Variants in BORCS5 observed in about 807,000 individuals in gnomAD.
BORCS5 encodes the protein BLOC-1 related complex subunit 5, also known as BLOC-1-related complex subunit 5.
BORCS5 carries 17 observed loss-of-function variants against 22.1 expected under a neutral mutation model. That is an observed-to-expected ratio of 0.77 (90% CI 0.53 to 1.15). BORCS5 has a LOEUF of 1.15. BORCS5 is among the 50% of genes most tolerant of loss of function. The pLI, the probability that BORCS5 is intolerant of heterozygous loss-of-function variation, is 0.00. For missense variants in BORCS5, 247 were observed against 253.2 expected (o/e 0.98, Z 0.17); for synonymous variants, 117 against 99.8 (o/e 1.17, Z -1.03).
chr12:12,465,854 C>A lies in BORCS5; in HGVS notation c.*78C>A. 4.8e-6 allele frequency: 6 copies of A among 1,258,272 alleles called. No homozygotes were observed. The highest frequency in any genetic ancestry group is 6.6e-6 in the Non-Finnish European group (6 of 907,962). 77.9% of individuals were successfully genotyped at this position (1,258,272 alleles called of 1,614,324 possible). ...ACGTGTGGAGCTAAGGTCATATCAT[C>A]TGACCAGGTCTGGAGGCTGGCGGGA... is the stretch of plus-strand genomic sequence containing the variant. On this transcript the variant is annotated 3_prime_UTR_variant, in exon 4 of 4. Transcript: ENST00000314565.
intron 2 of BORCS5, among the ~76,000 whole-genome samples, chr12:12,386,593 C>T (rs984024931): frequency 1.3e-5 from 2 of 150,694 alleles, no homozygotes; most frequent in African/African-American, 4.9e-5. Flanking sequence ...TCTCCTACTC[C>T]TACCTCAGCC....
chr12:12,392,976 G>T (rs1941234835), intron 2 of BORCS5, among the ~76,000 whole-genome samples: 1 of 152,018 alleles, frequency 6.6e-6, no homozygotes, highest in Non-Finnish European at 1.5e-5. Flanking sequence ...TGCCTATAAT[G>T]CAATGCCAGC....
At chr12:12,463,740 A>G (rs1026158582) in intron 3 of BORCS5, among the ~76,000 whole-genome samples, 2 of 152,336 alleles carry the variant, frequency 1.3e-5, no homozygotes, top group East Asian at 1.9e-4. Context: ...ATGTGGAAAC[A>G]TGTAGGGAAG....
intron 2 of BORCS5, among the ~76,000 whole-genome samples, chr12:12,373,857 G>C (rs1164595903): frequency 6.6e-6 from 1 of 152,146 alleles, no homozygotes; most frequent in Non-Finnish European, 1.5e-5. Context: ...AAACATGGAG[G>C]AGATAATTAT....
intron 2 of BORCS5, among the ~76,000 whole-genome samples, chr12:12,383,640 A>G (rs1045051663): frequency 6.7e-6 from 1 of 149,126 alleles, no homozygotes; most frequent in African/African-American, 2.5e-5. Context: ...ATTGAAATGG[A>G]ATTTTTGGTT....
intron 2 of BORCS5, among the ~76,000 whole-genome samples, chr12:12,413,463 G>C (rs2136089745): frequency 6.7e-6 from 1 of 149,592 alleles, no homozygotes; most frequent in South Asian, 2.1e-4. Context: ...AAAATGAAAA[G>C]TCTCCCATGT....
intron 3 of BORCS5, among the ~76,000 whole-genome samples, chr12:12,446,169 C>A (rs1048274977): frequency 6.6e-6 from 1 of 151,976 alleles, no homozygotes; most frequent in Non-Finnish European, 1.5e-5. Flanking sequence ...AGAATCCCTC[C>A]TTCAGAGACC....
At chr12:12,400,208 T>A (rs1941437224) in intron 2 of BORCS5, among the ~76,000 whole-genome samples, 1 of 152,256 alleles carries the variant, frequency 6.6e-6, no homozygotes, top group Non-Finnish European at 1.5e-5. Flanking sequence ...TCACTAGTTG[T>A]TACCCTGGCA....
rs577785193 is a variant in BORCS5, at chr12:12,451,622, G to A, written c.361-13924G>A. Reference sequence around the variant, plus strand: ...GAACTGGCTGGGCGCAGTGGCTCACGCCTCTAATCCCAGCACTTTGGGAGG... The same window carrying A: ...GAACTGGCTGGGCGCAGTGGCTCACACCTCTAATCCCAGCACTTTGGGAGG... On this transcript the variant is annotated intron_variant, in intron 3 of 3. Transcript: ENST00000314565. Among the ~76,000 whole-genome samples the A allele has an allele frequency of 9.9e-5, 15 of 152,262 alleles. No homozygotes were observed. The East Asian group carries it at 2.9e-3, about 29-fold the overall frequency.
chr12:12,443,042 T>TTAGCA (rs1156791559), intron 3 of BORCS5, among the ~76,000 whole-genome samples: 1 of 152,240 alleles, frequency 6.6e-6, no homozygotes, highest in African/African-American at 2.4e-5. Flanking sequence ...TGAACTGGCA[T>TTAGCA]TAGCATTCAC....
chr12:12,427,077 A>C (rs1942303855), intron 2 of BORCS5, among the ~76,000 whole-genome samples: 1 of 151,878 alleles, frequency 6.6e-6, no homozygotes, highest in Non-Finnish European at 1.5e-5. Flanking sequence ...TAGAAAGCAC[A>C]CTTTTTCTAA....
At chr12:12,422,337 G>A (rs1228574458) in intron 2 of BORCS5, among the ~76,000 whole-genome samples, 3 of 152,084 alleles carry the variant, frequency 2.0e-5, no homozygotes, top group South Asian at 2.1e-4. Flanking sequence ...AAGGAGGCCG[G>A]ATGCGGTGGC....
At position 12,359,208 on chromosome 12, in the gene BORCS5, C is replaced by T. The variant is rs575190820; in HGVS notation, c.58+1699C>T. Among the ~76,000 whole-genome samples the T allele has an allele frequency of 1.3e-4, 20 of 152,264 alleles. No individual in the cohort carries two copies. The South Asian group carries it at 2.3e-3, about 17-fold the overall frequency. ...TCCTCCAAATTTCTGATTTTTGCCT[C>T]AGCCTAGAATGGACTTACTGGCTAT... On this transcript the variant is annotated intron_variant, in intron 1 of 3. Transcript: ENST00000314565.
chr12:12,388,064 C>T (rs1014366670), intron 2 of BORCS5, among the ~76,000 whole-genome samples: 4 of 151,428 alleles, frequency 2.6e-5, no homozygotes, highest in African/African-American at 9.7e-5. Context: ...ATTGCTATCT[C>T]ATATGCGATT....
intron 2 of BORCS5, among the ~76,000 whole-genome samples, chr12:12,399,591 A>G (rs1413341967): frequency 6.6e-6 from 1 of 152,224 alleles, no homozygotes; most frequent in Admixed American, 6.5e-5. Context: ...TTAAGCTTAC[A>G]ATGTTGGCAT....
intron 2 of BORCS5, among the ~76,000 whole-genome samples, chr12:12,433,193 G>A (rs1444847265): frequency 6.6e-6 from 1 of 151,924 alleles, no homozygotes; most frequent in African/African-American, 2.4e-5. Context: ...AAATTAGGCA[G>A]GAATGGTGGC....
At chr12:12,460,210 T>G (rs560703281) in intron 3 of BORCS5, among the ~76,000 whole-genome samples, 1 of 152,376 alleles carries the variant, frequency 6.6e-6, no homozygotes, top group South Asian at 2.1e-4. Flanking sequence ...GTAATATCAG[T>G]GTACAGATCT....
chr12:12,460,069 C>G (rs1279214814), intron 3 of BORCS5, among the ~76,000 whole-genome samples: 1 of 152,200 alleles, frequency 6.6e-6, no homozygotes, highest in Non-Finnish European at 1.5e-5. Context: ...AGACTTTTTA[C>G]TTGGATTGCA....
In BORCS5 at chr12:12,469,819, T is replaced by G. The variant is rs1481835519; in HGVS notation, c.*4043T>G. 1 of 152,268 alleles carries G rather than the reference T, an allele frequency of 6.6e-6. No homozygotes were observed. The highest frequency in any genetic ancestry group is 1.5e-5 in the Non-Finnish European group (1 of 68,044). 9.4% of individuals were successfully genotyped at this position (152,268 alleles called of 1,614,324 possible). ...GATTAGGGAGAAATGAAAACTTTTC[T>G]TCTTGTGGACTTTTTAGGTATGAAA... On this transcript the variant is annotated 3_prime_UTR_variant, in exon 4 of 4. Transcript: ENST00000314565.
Sources: gnomAD v4.1 joint callset for allele counts (sites outside exome capture counted in the v4.1 genomes callset) on GRCh38, gnomAD v4.1.1 for gene constraint, MANE v1.5 for transcripts, NCBI Gene and HGNC (gene_info 2026-07-23, HGNC 2026-07-21) for gene names.